The following TFG variants were observed in gnomAD, a reference collection of about 807,000 sequenced individuals.
The protein encoded by TFG is trafficking from ER to golgi regulator, also known as protein TFG.
In TFG, 22 loss-of-function variants were observed where a neutral mutation model predicts 51.4. The ratio of observed to expected loss-of-function variants is 0.43; its 90% CI spans 0.31 to 0.61. The LOEUF is 0.61. Among genes scored for constraint, TFG ranks in the 20% least tolerant of loss-of-function variants. The pLI, the probability that TFG is intolerant of heterozygous loss-of-function variation, is 0.12. For synonymous variants in TFG, 187 were observed against 165.6 expected (o/e 1.13, Z -0.99); for missense variants, 419 against 487.7 (o/e 0.86, Z 1.33).
At chr3:100,721,953 C>T (rs2095062005) in intron 3 of TFG, among the ~76,000 whole-genome samples, 2 of 152,244 alleles carry the variant, frequency 1.3e-5, no homozygotes, top group South Asian at 2.1e-4. Flanking sequence ...GAGTTCGCGA[C>T]CAGCCTGAGC....
At chr3:100,728,467 C>G (rs940440645) in intron 3 of TFG, among the ~76,000 whole-genome samples, 2 of 151,332 alleles carry the variant, frequency 1.3e-5, no homozygotes, top group Admixed American at 1.3e-4. Context: ...CCTACCAAAC[C>G]TTTTTACCAG....
chr3:100,723,039 A>C (rs780983041), intron 3 of TFG, among the ~76,000 whole-genome samples: 1 of 152,240 alleles, frequency 6.6e-6, no homozygotes, highest in Admixed American at 6.6e-5. Flanking sequence ...TTGGGCTGTC[A>C]GGGGATTGGG....
chr3:100,733,525 A>G (rs1482440100), intron 5 of TFG, among the ~76,000 whole-genome samples: 1 of 152,170 alleles, frequency 6.6e-6, no homozygotes, highest in Non-Finnish European at 1.5e-5. Flanking sequence ...TTCTTTAAAA[A>G]TATTTAGCTG....
intron 2 of TFG, among the ~76,000 whole-genome samples, chr3:100,718,229 TA>T (rs748748401): frequency 2.6e-5 from 4 of 152,336 alleles, no homozygotes; most frequent in Admixed American, 2.6e-4. Flanking sequence ...GCCTGGCCTT[TA>T]ACTGCCTTTT....
At chr3:100,732,873 C>G (rs1463760700) in intron 5 of TFG, among the ~76,000 whole-genome samples, 1 of 152,178 alleles carries the variant, frequency 6.6e-6, no homozygotes, top group East Asian at 1.9e-4. Flanking sequence ...TCCAGCACTT[C>G]AGAAAGCTTT....
chr3:100,713,615 G>T, intron 1 of TFG, 28 bp from the exon 2 acceptor site: 3 of 1,159,928 alleles, frequency 2.6e-6, no homozygotes, highest in Non-Finnish European at 3.5e-6. Flanking sequence ...ATGTTTTGTT[G>T]TTTAATTATC....
At chr3:100,745,906 C>T (rs2095133602) in intron 7 of TFG, among the ~76,000 whole-genome samples, 1 of 152,062 alleles carries the variant, frequency 6.6e-6, no homozygotes, top group South Asian at 2.1e-4. Flanking sequence ...ACCATGTGGC[C>T]CACAAAGCCT....
In TFG at chr3:100,730,986, C is replaced by G. The variant is rs535472200; in HGVS notation, c.416-1522C>G. Among the ~76,000 whole-genome samples the G allele has an allele frequency of 2.6e-5, 4 of 152,234 alleles. No individual in the cohort carries two copies. In the South Asian group the frequency reaches 8.3e-4, roughly 32 times the overall value. On this transcript the variant is annotated intron_variant, in intron 4 of 7. Transcript: ENST00000240851. ...GTAGACATGTTTTAAAGGAATACTT[C>G]TAGTAGTAGTTTTCTTTTTCCAAAC...
Position 100,736,673 on chromosome 3 carries a change from G to A in TFG, c.678G>A (p.Gln226=). ...AAHPPGVQPQ[Q]PPYTGAQTQA... ...ACCCACCAGGCGTTCAGCCACAGCA[G>A]CCACCATATACAGGAGCTCAGACTC... Residue 226 remains glutamine (Q), a synonymous_variant, in exon 6 of 8, where the codon CAG becomes CAA. Transcript: ENST00000240851. 2 of 1,613,986 alleles carry A rather than the reference G, an allele frequency of 1.2e-6. No homozygotes were observed. Among genetic ancestry groups the A allele is most frequent in the Non-Finnish European group, 8.5e-7 (1 of 1,179,956 alleles).
At chr3:100,717,389 T>C (rs1308175658) in intron 2 of TFG, among the ~76,000 whole-genome samples, 4 of 152,198 alleles carry the variant, frequency 2.6e-5, no homozygotes, top group Non-Finnish European at 4.4e-5. Flanking sequence ...CTGTCTGGGG[T>C]TGTATGTAGT....
rs1173181829 is a variant in TFG at position 100,714,499 on chromosome 3, C to CA, written c.184+643dup. On this transcript the variant is annotated intron_variant, in intron 2 of 7. Coordinates refer to ENST00000240851, the MANE Select transcript of TFG (RefSeq NM_006070.6). ...TGGGTGACACAGCAAGACTCCGTCT[C>CA]AAAAAAAAAAAAATAGCTAATTGGT... 4.2e-3 allele frequency among the ~76,000 whole-genome samples: 538 copies of CA among 129,480 alleles called. 4 individuals carry two copies. Among genetic ancestry groups the CA allele is most frequent in the Admixed American group, 9.7e-3 (125 of 12,930 alleles). 84.9% of individuals were successfully genotyped at this position (129,480 alleles called of 152,430 possible).
chr3:100,744,522 T>C (rs539123305), intron 6 of TFG: 28 of 213,080 alleles, frequency 1.3e-4, no homozygotes, highest in African/African-American at 5.0e-4. Context: ...TAATGAACAT[T>C]AGCGTTACTT....
rs1489783305 is a variant in TFG at position 100,709,574 on chromosome 3, G to C, written c.-191G>C. 1.3e-5 allele frequency: 2 copies of C among 151,796 alleles called. No homozygotes were observed. Among genetic ancestry groups the C allele is most frequent in the African/African-American group, 2.4e-5 (1 of 41,322 alleles). The allele number at this position is 151,796 out of a possible 1,614,324, so 9.4% of individuals were successfully genotyped here. A position where few individuals can be genotyped will look rare whatever the true frequency, so the allele number is the denominator to read the frequency against. ...CAGCGCGATTGGCCGGGGCCCGCGC[G>C]AGCCTGCGAGCGAGGTGCGGCGGTC... On this transcript the variant is annotated 5_prime_UTR_variant, in exon 1 of 8. Coordinates refer to ENST00000240851, the MANE Select transcript of TFG (RefSeq NM_006070.6).
At chr3:100,746,719 A>C (rs1345258396) in intron 7 of TFG, among the ~76,000 whole-genome samples, 1 of 152,122 alleles carries the variant, frequency 6.6e-6, no homozygotes, top group African/African-American at 2.4e-5. Flanking sequence ...TCCCCTAAGC[A>C]ATAATTAAGG....
At chr3:100,744,563 G>A (rs763380407) in intron 6 of TFG, 82 of 282,086 alleles carry the variant, frequency 2.9e-4, no homozygotes, top group Non-Finnish European at 3.7e-4. Flanking sequence ...GAAAACATTT[G>A]TTTTTCTAGA....
intron 6 of TFG, among the ~76,000 whole-genome samples, chr3:100,737,602 A>G (rs2095110014): frequency 1.3e-5 from 2 of 152,212 alleles, no homozygotes; most frequent in South Asian, 4.1e-4. Flanking sequence ...TGCTCTAACT[A>G]TTTGTTTAAC....
intron 1 of TFG, among the ~76,000 whole-genome samples, chr3:100,713,061 A>T (rs752840628): frequency 1.2e-4 from 18 of 152,234 alleles, no homozygotes; most frequent in Admixed American, 9.8e-4. Flanking sequence ...GTTTTACTTA[A>T]CAGTGTTAAC....
intron 2 of TFG, among the ~76,000 whole-genome samples, chr3:100,714,613 GTT>G (rs2095040626): frequency 6.6e-6 from 1 of 151,606 alleles, no homozygotes; most frequent in Non-Finnish European, 1.5e-5. Context: ...TATAATTCTG[GTT>G]TCTTTTAGCT....
intron 7 of TFG, 129 bp downstream of exon 7, chr3:100,745,060 AC>A: frequency 2.3e-6 from 1 of 433,958 alleles, no homozygotes; most frequent in Non-Finnish European, 4.2e-6. Flanking sequence ...AGGGGAAACA[AC>A]ATTTGTTTTA....
Sources: gnomAD v4.1 joint callset for allele counts (sites outside exome capture counted in the v4.1 genomes callset) on GRCh38, gnomAD v4.1.1 for gene constraint, MANE v1.5 for transcripts, NCBI Gene and HGNC (gene_info 2026-07-23, HGNC 2026-07-21) for gene names.